The following NABP1 variants were observed in gnomAD, a reference collection of about 807,000 sequenced individuals.
NABP1 encodes nucleic acid binding protein 1.
NABP1 carries 18 observed loss-of-function variants against 25.0 expected under a neutral mutation model. The ratio of observed to expected loss-of-function variants is 0.72; its 90% CI spans 0.50 to 1.07. The LOEUF is 1.07. NABP1 is among the 50% of genes least tolerant of loss of function. The pLI is 0.00. For missense variants in NABP1, 270 were observed against 255.6 expected, an observed-to-expected ratio of 1.06 and a Z score of -0.39; for synonymous variants, 71 against 85.0, an observed-to-expected ratio of 0.84 and a Z score of 0.91.
chr2:191,679,599 A>C (rs1157950290), intron 2 of NABP1, among the ~76,000 whole-genome samples: 5 of 149,834 alleles, frequency 3.3e-5, no homozygotes, highest in Admixed American at 1.3e-4. Context: ...CTGGTCTCCA[A>C]CTCCTGACCT....
Position 191,683,655 on chromosome 2 carries a change from T to TA in NABP1, c.303-73dup, listed in dbSNP as rs1413772128. 4 of 1,054,580 alleles carry TA rather than the reference T, an allele frequency of 3.8e-6. No individual in the cohort carries two copies. In the African/African-American group the frequency reaches 6.4e-5, roughly 17 times the overall value. The allele number at this position is 1,054,580 out of a possible 1,614,324, so 65.3% of individuals were successfully genotyped here. On this transcript the variant is annotated intron_variant, in intron 3 of 5. Transcript: ENST00000425611. The surrounding 1 kb of genome is among the most constrained non-coding windows in gnomAD (Gnocchi z 4.1). ...GACACATAAGTTCATTCCTAAAAGT[T>TA]AGAGATGTTACATAAAGAAGGGTTG...
intron 3 of NABP1, chr2:191,682,352 T>A (rs1332597554): frequency 2.8e-6 from 1 of 354,896 alleles, no homozygotes; most frequent in Non-Finnish European, 5.5e-6. Context: ...TTGTAGTGAT[T>A]CACCATATAC....
intron 2 of NABP1, among the ~76,000 whole-genome samples, chr2:191,681,693 C>A (rs138313386): frequency 1.3e-5 from 2 of 151,864 alleles, no homozygotes; most frequent in Admixed American, 6.6e-5. Flanking sequence ...ACTGGCTTTG[C>A]GAAAAGACTT....
chr2:191,686,439 G>A lies in NABP1; in HGVS notation c.*671G>A, dbSNP rs148142976. 6.6e-6 allele frequency: 1 copy of A among 152,188 alleles called. No homozygotes were observed. Among genetic ancestry groups the A allele is most frequent in the South Asian group, 2.1e-4 (1 of 4,834 alleles). 9.4% of individuals were successfully genotyped at this position (152,188 alleles called of 1,614,324 possible). A position where few individuals can be genotyped will look rare whatever the true frequency, so the allele number is the denominator to read the frequency against. On this transcript the variant is annotated 3_prime_UTR_variant, in exon 6 of 6. Coordinates refer to ENST00000425611, the MANE Select transcript of NABP1 (RefSeq NM_001031716.5). ...CCTAACATGTATTATCAACTTTGTG[G>A]ATTACATTGGAGGAAAATTTAAAAC...
At position 191,683,284 on chromosome 2, in the gene NABP1, T is replaced by TA. The variant is rs1388737468; in HGVS notation, c.303-445_303-444insA. On this transcript the variant is annotated intron_variant, in intron 3 of 5. Transcript: ENST00000425611. The surrounding 1 kb of genome is among the most constrained non-coding windows in gnomAD (Gnocchi z 4.1). ...CACTCTTAACCCTAAATGATTATCTTTGCAGATCCACAGTGATCGATCAAA... is the reference window on the plus strand; with the variant it reads ...CACTCTTAACCCTAAATGATTATCTTATGCAGATCCACAGTGATCGATCAAA... 1.1e-5 allele frequency: 2 copies of TA among 187,662 alleles called. No homozygotes were observed. The highest frequency in any genetic ancestry group is 4.8e-5 in the African/African-American group (2 of 41,600). The allele number at this position is 187,662 out of a possible 1,614,324, so 11.6% of individuals were successfully genotyped here.
At position 191,684,590 on chromosome 2, in the gene NABP1, T is replaced by C. The variant is rs192416676; in HGVS notation, c.445+294T>C. Among the ~76,000 whole-genome samples the C allele has an allele frequency of 2.6e-5, 4 of 152,278 alleles. No individual in the cohort carries two copies. In the East Asian group the frequency reaches 7.7e-4, roughly 29 times the overall value. On this transcript the variant is annotated intron_variant, in intron 5 of 5. Coordinates refer to ENST00000425611, the MANE Select transcript of NABP1 (RefSeq NM_001031716.5). ...TTACTTATAGTAGATGCAGAATTACTGGTTATTTTGGTGCACTGAAAGCGT... is the reference window on the plus strand; with the variant it reads ...TTACTTATAGTAGATGCAGAATTACCGGTTATTTTGGTGCACTGAAAGCGT...
rs1687761425 is a variant in NABP1 at position 191,684,295 on chromosome 2, G to A, written c.444G>A (p.Val148=). 6.6e-7 allele frequency: 1 copy of A among 1,521,394 alleles called. No homozygotes were observed. 94.2% of individuals were successfully genotyped at this position (1,521,394 alleles called of 1,614,324 possible). A position where few individuals can be genotyped will look rare whatever the true frequency, so the allele number is the denominator to read the frequency against. ...SNMGTGTFGP[V]GNGVHTGPES... ...TGGGTACAGGTACATTTGGACCAGT[G>A]GGTAAGATTTTGTTTGTGTGTTTCA... Residue 148 remains valine, a splice_region_variant and synonymous_variant, in exon 5 of 6, where the codon GTG becomes GTA. Transcript: ENST00000425611.
In NABP1 at chr2:191,681,955, C is replaced by T; in HGVS notation, c.240C>T (p.Ser80=). The part of the protein sequence containing the change: ...DIIRLTRGYA[S]MWKGCLTLYT... ...TTTCTTTTCTCTCTAGGTATGCATC[C>T]ATGTGGAAAGGATGTCTGACACTTT... Residue 80 remains serine (S), a synonymous_variant, in exon 3 of 6, where the codon TCC becomes TCT. Transcript: ENST00000425611. 6.6e-7 allele frequency: 1 copy of T among 1,515,558 alleles called. No individual in the cohort carries two copies. The highest frequency in any genetic ancestry group is 8.8e-7 in the Non-Finnish European group (1 of 1,135,862). The allele number at this position is 1,515,558 out of a possible 1,614,324, so 93.9% of individuals were successfully genotyped here. A position where few individuals can be genotyped will look rare whatever the true frequency, so the allele number is the denominator to read the frequency against.
chr2:191,686,088 C>T lies in NABP1; in HGVS notation c.*320C>T, dbSNP rs1431048961. ...AGCTTTATAGCCTCTATGAGTCTAT[C>T]TTCTGTATAAGTTTTGTAATATTTA... On this transcript the variant is annotated 3_prime_UTR_variant, in exon 6 of 6. Transcript: ENST00000425611. The T allele has an allele frequency of 5.1e-6, 1 of 197,912 alleles. No homozygotes were observed. The highest frequency in any genetic ancestry group is 1.0e-5 in the Non-Finnish European group (1 of 97,848). The allele number at this position is 197,912 out of a possible 1,614,324, so 12.3% of individuals were successfully genotyped here.
intron 5 of NABP1, chr2:191,684,752 C>T (rs1687773541): frequency 6.6e-6 from 1 of 152,556 alleles, no homozygotes; most frequent in South Asian, 2.1e-4. Flanking sequence ...TGTTCATGAT[C>T]CTTGTAGCTC....
chr2:191,682,192 T>C (rs1475501246), intron 3 of NABP1, 175 bp downstream of exon 3: 1 of 471,612 alleles, frequency 2.1e-6, no homozygotes, highest in African/African-American at 2.0e-5. Context: ...TTGTCAGTAC[T>C]GTTTTCTGTG....
intron 3 of NABP1, 77 bp downstream of exon 3, chr2:191,682,094 G>A (rs1345979529): frequency 2.2e-6 from 2 of 925,198 alleles, no homozygotes; most frequent in East Asian, 3.1e-5. Flanking sequence ...GGTATGAATT[G>A]TAAACCTCTT....
intron 5 of NABP1, chr2:191,685,068 G>C (rs976996865): frequency 6.5e-6 from 1 of 152,816 alleles, no homozygotes; most frequent in African/African-American, 2.4e-5. Flanking sequence ...GGCCAGGCTA[G>C]TCTCGAACTC....
chr2:191,679,260 G>C (rs1558985226), intron 2 of NABP1, 132 bp downstream of exon 2: 1 of 1,082,530 alleles, frequency 9.2e-7, no homozygotes, highest in Non-Finnish European at 1.3e-6. Flanking sequence ...GAACTCCTTT[G>C]GTGTTAACTT....
In NABP1 at chr2:191,686,596, A is replaced by G. The variant is rs1419527098; in HGVS notation, c.*828A>G. ...TAGTTGTGGTAGATAAACATACTGG[A>G]GGTGAGTCAAATTGAATTCATATAG... On this transcript the variant is annotated 3_prime_UTR_variant, in exon 6 of 6. Transcript: ENST00000425611. The G allele has an allele frequency of 6.6e-6, 1 of 152,232 alleles. No homozygotes were observed. The highest frequency in any genetic ancestry group is 2.4e-5 in the African/African-American group (1 of 41,464). 9.4% of individuals were successfully genotyped at this position (152,232 alleles called of 1,614,324 possible).
chr2:191,678,523 C>A lies in NABP1; in HGVS notation c.-92C>A. The A allele has an allele frequency of 1.1e-6, 1 of 902,140 alleles. No individual in the cohort carries two copies. Among genetic ancestry groups the A allele is most frequent in the Non-Finnish European group, 1.7e-6 (1 of 590,830 alleles). 55.9% of individuals were successfully genotyped at this position (902,140 alleles called of 1,614,324 possible). ...TCGCCACCCCTGCCCAAGGTCGCCCCTCTGCCTTCGCCCCTGTCCCGGGAG... is the reference window on the plus strand; with the variant it reads ...TCGCCACCCCTGCCCAAGGTCGCCCATCTGCCTTCGCCCCTGTCCCGGGAG... On this transcript the variant is annotated 5_prime_UTR_variant, in exon 1 of 6. Transcript: ENST00000425611.
chr2:191,685,961 G>C lies in NABP1; in HGVS notation c.*193G>C. 2.0e-6 allele frequency: 1 copy of C among 512,342 alleles called. No individual in the cohort carries two copies. Among genetic ancestry groups the C allele is most frequent in the South Asian group, 2.7e-5 (1 of 36,800 alleles). The allele number at this position is 512,342 out of a possible 1,614,324, so 31.7% of individuals were successfully genotyped here. On this transcript the variant is annotated 3_prime_UTR_variant, in exon 6 of 6. Transcript: ENST00000425611. Reference sequence around the variant, plus strand: ...TGCTCGAGTCTCCTGTTGAAGAATGGGAACACTGAAAAGTAGGGGCATTTA... The same window carrying C: ...TGCTCGAGTCTCCTGTTGAAGAATGCGAACACTGAAAAGTAGGGGCATTTA...
chr2:191,678,241 T>G lies in NABP1; in HGVS notation c.-374T>G, dbSNP rs1574753300. On this transcript the variant is annotated 5_prime_UTR_variant, in exon 1 of 6. Coordinates refer to ENST00000425611, the MANE Select transcript of NABP1 (RefSeq NM_001031716.5). ...CCGGGACAGGCTGGGCGCGCGCCCG[T>G]GTGAGTGAGCGGGACTCAGGGCAGA... The G allele has an allele frequency of 6.4e-6, 1 of 156,976 alleles. No individual in the cohort carries two copies. The allele number at this position is 156,976 out of a possible 1,614,324, so 9.7% of individuals were successfully genotyped here. A position where few individuals can be genotyped will look rare whatever the true frequency, so the allele number is the denominator to read the frequency against.
chr2:191,684,129 AAGC>A (rs1327185325), intron 4 of NABP1, 98 bp from the exon 5 acceptor site: 1 of 741,124 alleles, frequency 1.3e-6, no homozygotes, highest in East Asian at 3.3e-5. Context: ...AAAAAAAAAA[AAGC>A]CAAACCCAAA....
Sources: gnomAD v4.1 joint callset for allele counts (sites outside exome capture counted in the v4.1 genomes callset) on GRCh38, gnomAD v4.1.1 for gene constraint, Gnocchi (gnomAD v3.1) non-coding constraint, MANE v1.5 for transcripts, NCBI Gene and HGNC (gene_info 2026-07-23, HGNC 2026-07-21) for gene names.